PCDH15: variants seen among roughly 807,000 people sequenced by gnomAD.
PCDH15 encodes protocadherin related 15.
In PCDH15, 129 loss-of-function variants were observed where a neutral mutation model predicts 178.5. The ratio of observed to expected loss-of-function variants is 0.72; its 90% CI spans 0.63 to 0.84. The LOEUF is 0.84. PCDH15 is among the 40% of genes least tolerant of loss of function. The probability of loss-of-function intolerance (pLI) is 0.00; values close to 1 mark genes in which losing one functional copy is unlikely to be tolerated. For synonymous variants in PCDH15, 800 were observed against 732.0 expected (o/e 1.09, Z -1.50); for missense variants, 2,230 against 2,099.9 (o/e 1.06, Z -1.21).
intron 2 of PCDH15, among the ~76,000 whole-genome samples, chr10:55,442,473 TATATATATTATA>T (rs1361841475): frequency 6.6e-4 from 37 of 55,992 alleles, no homozygotes; most frequent in Non-Finnish European, 9.2e-4. Flanking sequence ...ATATATATTA[TATATATATTATA>T]TATATATATA....
intron 3 of PCDH15, among the ~76,000 whole-genome samples, chr10:54,885,569 T>C (rs1954343114): frequency 6.6e-6 from 1 of 152,056 alleles, no homozygotes; most frequent in Admixed American, 6.6e-5. Context: ...TCCCCGATAC[T>C]TCATAGCGGT....
chr10:54,153,929 CAAGGGT>C (rs2044825158), intron 13 of PCDH15, among the ~76,000 whole-genome samples: 2 of 152,136 alleles, frequency 1.3e-5, no homozygotes, highest in South Asian at 4.1e-4. Flanking sequence ...TGTAGAATAT[CAAGGGT>C]AACATAGCCC....
intron 2 of PCDH15, among the ~76,000 whole-genome samples, chr10:55,346,032 G>A (rs1013041036): frequency 1.2e-4 from 18 of 152,018 alleles, no homozygotes; most frequent in South Asian, 4.2e-4. Flanking sequence ...CTAACAACAC[G>A]CAGAATAGAA....
Position 54,779,462 on chromosome 10 carries a change from G to GTATATATATACACACATATATA in PCDH15, c.-29+21462_-29+21463insTATATATGTGTGTATATATATA, listed in dbSNP as rs1171635780. Among the ~76,000 whole-genome samples the GTATATATATACACACATATATA allele has an allele frequency of 3.4e-4, 13 of 38,592 alleles. No individual in the cohort carries two copies. The East Asian group carries it at 7.7e-3, about 23-fold the overall frequency. The allele number at this position is 38,592 out of a possible 152,430, so 25.3% of individuals were successfully genotyped here. A position where few individuals can be genotyped will look rare whatever the true frequency, so the allele number is the denominator to read the frequency against. ...TATATATATATACACTCATATATGT[G>GTATATATATACACACATATATA]TGTATATATATACACACATATATAT... is the stretch of plus-strand genomic sequence containing the variant. On this transcript the variant is annotated intron_variant, in intron 1 of 37. Coordinates refer to ENST00000644397, the MANE Select transcript of PCDH15 (RefSeq NM_001384140.1).
intron 3 of PCDH15, among the ~76,000 whole-genome samples, chr10:54,891,774 T>G (rs1028086521): frequency 6.6e-6 from 1 of 152,148 alleles, no homozygotes; most frequent in African/African-American, 2.4e-5. Flanking sequence ...AACAGGTATT[T>G]GTAGCAAGGA....
In PCDH15 at chr10:53,806,463, G is replaced by C. The variant is rs907733388; in HGVS notation, c.*116C>G. On this transcript the variant is annotated 3_prime_UTR_variant, in exon 38 of 38. Coordinates refer to ENST00000644397, the MANE Select transcript of PCDH15 (RefSeq NM_001384140.1). ...AAAATTTTAAAGCATATTGTTCAAA[G>C]TTTTAGCTTGTGTGCATGATATAAA... is the stretch of plus-strand genomic sequence containing the variant. The C allele has an allele frequency of 1.1e-4, 100 of 893,304 alleles. 1 individual carries two copies. The African/African-American group carries it at 1.5e-3, about 14-fold the overall frequency. The allele number at this position is 893,304 out of a possible 1,614,324, so 55.3% of individuals were successfully genotyped here. A position where few individuals can be genotyped will look rare whatever the true frequency, so the allele number is the denominator to read the frequency against.
chr10:54,829,166 T>C (rs1953181441), intron 3 of PCDH15, among the ~76,000 whole-genome samples: 1 of 152,038 alleles, frequency 6.6e-6, no homozygotes, highest in Admixed American at 6.6e-5. Context: ...CATTGCAATG[T>C]TTTAAAAGAA....
chr10:53,968,882 A>C (rs1368986541), intron 21 of PCDH15, among the ~76,000 whole-genome samples: 1 of 152,216 alleles, frequency 6.6e-6, no homozygotes, highest in Non-Finnish European at 1.5e-5. Context: ...AAGGTAGATA[A>C]AACCACAAAG....
chr10:54,200,947 C>A (rs1034548212), intron 10 of PCDH15, among the ~76,000 whole-genome samples: 1 of 152,180 alleles, frequency 6.6e-6, no homozygotes, highest in African/African-American at 2.4e-5. Context: ...ATTCCACAGT[C>A]CATATCCAAC....
chr10:55,459,266 C>T (rs1009624181), intron 2 of PCDH15, among the ~76,000 whole-genome samples: 1 of 134,178 alleles, frequency 7.5e-6, no homozygotes, highest in Non-Finnish European at 1.6e-5. Flanking sequence ...AAAAATAAAT[C>T]TTGCCAAATA....
intron 18 of PCDH15, among the ~76,000 whole-genome samples, chr10:54,026,903 C>T (rs2093116844): frequency 6.6e-6 from 1 of 151,686 alleles, no homozygotes; most frequent in Non-Finnish European, 1.5e-5. Context: ...CCTCTCTCAC[C>T]ACTCCTATTC....
intron 28 of PCDH15, among the ~76,000 whole-genome samples, chr10:53,848,463 GA>G (rs1257936761): frequency 6.6e-6 from 1 of 151,978 alleles, no homozygotes; most frequent in Non-Finnish European, 1.5e-5. Context: ...AATGATATTT[GA>G]GGGGAGAAAA....
chr10:54,242,526 T>TA (rs1161173703), intron 8 of PCDH15, among the ~76,000 whole-genome samples: 1 of 152,008 alleles, frequency 6.6e-6, no homozygotes, highest in Non-Finnish European at 1.5e-5. Flanking sequence ...TTTAAAATAA[T>TA]ATGAAACCAG....
At chr10:55,449,294 T>C (rs1375326517) in intron 2 of PCDH15, among the ~76,000 whole-genome samples, 9 of 152,146 alleles carry the variant, frequency 5.9e-5, no homozygotes, top group Admixed American at 4.6e-4. Context: ...TAGGATTCTT[T>C]TTACTATTTT....
chr10:54,663,230 A>G (rs2094518525), intron 2 of PCDH15, among the ~76,000 whole-genome samples: 1 of 151,916 alleles, frequency 6.6e-6, no homozygotes, highest in African/African-American at 2.4e-5. Context: ...AAAGCACAAA[A>G]TAAATGCACA....
At chr10:55,544,655 A>G (rs1212272553) in intron 2 of PCDH15, among the ~76,000 whole-genome samples, 1 of 152,170 alleles carries the variant, frequency 6.6e-6, no homozygotes, top group Non-Finnish European at 1.5e-5. Context: ...TTCATACTGG[A>G]TACCATCATA....
At chr10:55,292,386 C>A (rs1843028329) in intron 1 of PCDH15, among the ~76,000 whole-genome samples, 1 of 151,890 alleles carries the variant, frequency 6.6e-6, no homozygotes, top group African/African-American at 2.4e-5. Flanking sequence ...TATTTTATTT[C>A]ATGTTGTTTT....
intron 2 of PCDH15, among the ~76,000 whole-genome samples, chr10:55,352,938 C>A (rs1844977954): frequency 6.6e-6 from 1 of 152,142 alleles, no homozygotes; most frequent in African/African-American, 2.4e-5. Flanking sequence ...CTCAGCAAAT[C>A]TATGAGATGC....
chr10:54,726,840 C>T (rs2384525), intron 1 of PCDH15, among the ~76,000 whole-genome samples: 1 of 146,020 alleles, frequency 6.8e-6, no homozygotes, highest in South Asian at 2.1e-4. Context: ...TCAACTCATT[C>T]GGATTAAAAA....
Sources: gnomAD v4.1 joint callset for allele counts (sites outside exome capture counted in the v4.1 genomes callset) on GRCh38, gnomAD v4.1.1 for gene constraint, MANE v1.5 for transcripts, NCBI Gene and HGNC (gene_info 2026-07-23, HGNC 2026-07-21) for gene names.